The following UTP20 variants were observed in gnomAD, a reference collection of about 807,000 sequenced individuals.
UTP20 encodes small subunit processome component 20 homolog.
In UTP20, 164 loss-of-function variants were observed where a neutral mutation model predicts 329.5. The ratio of observed to expected loss-of-function variants is 0.50; its 90% confidence interval spans 0.44 to 0.57. The LOEUF (loss-of-function observed/expected upper bound fraction) is 0.57, where lower values mean the gene tolerates loss of function less well. Among genes scored for constraint, UTP20 ranks in the 20% least tolerant of loss-of-function variants. UTP20 has a pLI of 0.00. For synonymous variants in UTP20, 1,151 were observed against 1,159.3 expected (o/e 0.99, Z 0.14); for missense variants, 3,055 against 3,284.2 (o/e 0.93, Z 1.71).
Position 101,357,818 on chromosome 12 carries a change from C to T in UTP20, c.5691+736C>T, listed in dbSNP as rs1040258236. Among the ~76,000 whole-genome samples the T allele has an allele frequency of 2.8e-4, 42 of 152,212 alleles. 1 individual carries two copies. The highest frequency in any genetic ancestry group is 2.6e-3 in the Admixed American group (39 of 15,268). ...TCCAAGTAGTTACGTGGTATCTAGC[C>T]CCTCGCTGCTCCAAGCATGGCACCT... On this transcript the variant is annotated intron_variant, in intron 43 of 61. Coordinates refer to ENST00000261637, the MANE Select transcript of UTP20 (RefSeq NM_014503.3).
At chr12:101,311,578 A>C (rs1365562927) in intron 19 of UTP20, 141 bp from the exon 20 acceptor site, 1 of 679,804 alleles carries the variant, frequency 1.5e-6, no homozygotes, top group Admixed American at 3.1e-5. Context: ...AGAAAAGTGC[A>C]AAAGGTGTTT....
At chr12:101,339,975 G>C (rs1869066058) in intron 31 of UTP20, among the ~76,000 whole-genome samples, 1 of 152,124 alleles carries the variant, frequency 6.6e-6, no homozygotes, top group Non-Finnish European at 1.5e-5. Context: ...TTCATCCCAG[G>C]CTATGTAGTA....
chr12:101,310,582 A>G (rs964081536), intron 19 of UTP20, among the ~76,000 whole-genome samples: 2 of 148,802 alleles, frequency 1.3e-5, no homozygotes, highest in African/African-American at 2.5e-5. Context: ...TCTCCCAAAA[A>G]AAAAAAAAAA....
intron 30 of UTP20, 105 bp downstream of exon 30, chr12:101,338,382 G>C (rs1869007144): frequency 7.0e-6 from 8 of 1,141,314 alleles, no homozygotes; most frequent in Non-Finnish European, 7.6e-6. Flanking sequence ...GAGAGCATAT[G>C]CTCAGAAGTT....
intron 10 of UTP20, among the ~76,000 whole-genome samples, chr12:101,292,707 T>C (rs976056189): frequency 6.6e-6 from 1 of 152,214 alleles, no homozygotes; most frequent in Admixed American, 6.5e-5. Context: ...GGACACATGA[T>C]ATGACATGAT....
At chr12:101,292,614 T>G (rs1872199695) in intron 10 of UTP20, among the ~76,000 whole-genome samples, 1 of 152,170 alleles carries the variant, frequency 6.6e-6, no homozygotes, top group Non-Finnish European at 1.5e-5. Flanking sequence ...AAAAGCAGTC[T>G]GCCAGTCAGA....
chr12:101,379,644 G>T, intron 57 of UTP20, 86 bp downstream of exon 57: 1 of 1,408,826 alleles, frequency 7.1e-7, no homozygotes, highest in Non-Finnish European at 9.6e-7. Context: ...GCCAGCCCTT[G>T]GGAGAAACTC....
chr12:101,367,950 G>T lies in UTP20; in HGVS notation c.6358G>T (p.Asp2120Tyr). 1 of 1,613,406 alleles carries T rather than the reference G, an allele frequency of 6.2e-7. No individual in the cohort carries two copies. The highest frequency in any genetic ancestry group is 1.1e-5 in the South Asian group (1 of 91,050). The change falls in exon 48 of 62, where the codon GAC becomes TAC. Residue 2120 changes from aspartate (D) to tyrosine (Y), a missense_variant. Asp to Tyr is a radical substitution (Grantham distance 160). Around this residue, in one of 3 missense-constraint regions of UTP20, gnomAD observed 2,445 missense variants for 2,575.5 expected, o/e 0.95. Transcript: ENST00000261637. ...MLDPFVSLLI[D>Y]CLGSMDVKVI... ...GGATCCTTTTGTGTCTCTCCTCATA[G>T]ACTGCCTGGGCTCCATGGATGTGAA...
chr12:101,376,722 C>T (rs779222020), intron 56 of UTP20, among the ~76,000 whole-genome samples: 2 of 152,170 alleles, frequency 1.3e-5, no homozygotes, highest in African/African-American at 2.4e-5. Context: ...TCTCAGCACA[C>T]TGCAACCTCC....
At chr12:101,368,085 A>T in intron 48 of UTP20, 109 bp downstream of exon 48, 1 of 758,086 alleles carries the variant, frequency 1.3e-6, no homozygotes, top group Non-Finnish European at 2.1e-6. Flanking sequence ...GAGATGATTG[A>T]GGTGTTTTTG....
At position 101,342,742 on chromosome 12, in the gene UTP20, TAA is replaced by T. The variant is rs756983677; in HGVS notation, c.4246-43_4246-42del. On this transcript the variant is annotated intron_variant, in intron 33 of 61. Coordinates refer to ENST00000261637, the MANE Select transcript of UTP20 (RefSeq NM_014503.3). ...GCTGAGGGGAGGAGGGCAGAAAAGT[TAA>T]AGTTTTATTCACTGATAAATACACT... is the stretch of plus-strand genomic sequence containing the variant. The T allele has an allele frequency of 6.3e-6, 10 of 1,590,928 alleles. No homozygotes were observed. In the African/African-American group the frequency reaches 1.2e-4, roughly 19 times the overall value.
At chr12:101,327,322 A>G in intron 26 of UTP20, 75 bp downstream of exon 26, 1 of 1,377,456 alleles carries the variant, frequency 7.3e-7, no homozygotes, top group African/African-American at 1.4e-5. Flanking sequence ...TACATTTCCC[A>G]TGCTCCTGGG....
At chr12:101,312,331 G>A (rs1403073098) in intron 21 of UTP20, 55 bp downstream of exon 21, 1 of 1,592,962 alleles carries the variant, frequency 6.3e-7, no homozygotes, top group African/African-American at 1.3e-5. Flanking sequence ...AAGAGAATGT[G>A]AGAAGTATTA....
At chr12:101,306,283 C>T (rs772949300) in intron 16 of UTP20, among the ~76,000 whole-genome samples, 10 of 151,630 alleles carry the variant, frequency 6.6e-5, no homozygotes, top group Non-Finnish European at 1.5e-4. Context: ...CTCAAAGATT[C>T]CAATTCAGTA....
intron 29 of UTP20, 92 bp downstream of exon 29, chr12:101,334,596 G>GAAAGACCATAAAT: frequency 1.9e-6 from 2 of 1,070,850 alleles, no homozygotes; most frequent in Non-Finnish European, 1.3e-6. Flanking sequence ...GTAATTTATG[G>GAAAGACCATAAAT]TCTTTCCATA....
chr12:101,346,409 G>A (rs1198723269), intron 37 of UTP20, 42 bp from the exon 38 acceptor site: 1 of 1,546,470 alleles, frequency 6.5e-7, no homozygotes, highest in South Asian at 1.3e-5. Flanking sequence ...GGTTGTAGGT[G>A]AGATTATTCG....
At chr12:101,317,030 C>A (rs1872992336) in intron 21 of UTP20, among the ~76,000 whole-genome samples, 1 of 152,124 alleles carries the variant, frequency 6.6e-6, no homozygotes, top group African/African-American at 2.4e-5. Context: ...TCAATCCATA[C>A]CTGGAGGACT....
chr12:101,314,526 T>C (rs1872903015), intron 21 of UTP20, among the ~76,000 whole-genome samples: 2 of 151,564 alleles, frequency 1.3e-5, no homozygotes, highest in African/African-American at 2.4e-5. Context: ...GGCGTGGTGG[T>C]GGGTGCCTGT....
Position 101,329,299 on chromosome 12 carries a change from T to C in UTP20, c.3267T>C (p.Leu1089=). The change falls in exon 27 of 62, where the codon CTT becomes CTC. Residue 1089 remains leucine (L), a synonymous_variant. Coordinates refer to ENST00000261637, the MANE Select transcript of UTP20 (RefSeq NM_014503.3). ...AAGACTTGGATTTGTCTAAAGTTCT[T>C]CCTTTAGGTCGTCAGCACGGTATCT... The part of the protein sequence containing the change: ...AVEDLDLSKV[L]PLGRQHGILN... 6.2e-7 allele frequency: 1 copy of C among 1,614,184 alleles called. No individual in the cohort carries two copies. Among genetic ancestry groups the C allele is most frequent in the Non-Finnish European group, 8.5e-7 (1 of 1,180,044 alleles).
Sources: allele counts gnomAD v4.1 joint callset (sites outside exome capture counted in the v4.1 genomes callset), GRCh38; gene constraint gnomAD v4.1.1; regional missense constraint gnomAD v4.1.1; transcripts MANE v1.5; gene names NCBI Gene and HGNC (gene_info 2026-07-23, HGNC 2026-07-21).